KMT2A: variants seen among roughly 807,000 people sequenced by gnomAD.
KMT2A encodes lysine methyltransferase 2A.
KMT2A carries 16 observed loss-of-function variants against 345.3 expected under a neutral mutation model. The ratio of observed to expected loss-of-function variants is 0.05; its 90% CI spans 0.03 to 0.07. The LOEUF is 0.07. Among genes scored for constraint, KMT2A ranks in the 10% least tolerant of loss-of-function variants. The probability of loss-of-function intolerance (pLI) is 1.00; values close to 1 mark genes in which losing one functional copy is unlikely to be tolerated. For missense variants in KMT2A, 3,272 were observed against 4,841.6 expected, an observed-to-expected ratio of 0.68 and a Z score of 9.62; for synonymous variants, 1,599 against 1,778.6, an observed-to-expected ratio of 0.90 and a Z score of 2.54.
At chr11:118,489,921 AC>A in intron 12 of KMT2A, 34 bp downstream of exon 12, 1 of 1,569,702 alleles carries the variant, frequency 6.4e-7, no homozygotes, top group Non-Finnish European at 8.8e-7. Flanking sequence ...TTTATAGAGA[AC>A]CACCATGTGA....
chr11:118,472,324 A>G lies in KMT2A; in HGVS notation c.1165A>G (p.Lys389Glu). 6.2e-7 allele frequency: 1 copy of G among 1,614,184 alleles called. No homozygotes were observed. Among genetic ancestry groups the G allele is most frequent in the Non-Finnish European group, 8.5e-7 (1 of 1,180,032 alleles). Residue 389 changes from lysine to glutamate, a missense_variant, in exon 3 of 36, where the codon AAA (lysine) becomes GAA (glutamate). Coordinates refer to ENST00000534358, the MANE Select transcript of KMT2A (RefSeq NM_001197104.2). The stretch of plus-strand genomic sequence containing the variant: ...AAAGGGGGCTCAAAAGAAAATTGAA[A>G]AAGAAGCAGCTCAGCTGCAGGGAAG... ...AKKGAQKKIEKEAAQLQGRKV... is the reference protein window; with the variant it reads ...AKKGAQKKIEEEAAQLQGRKV...
chr11:118,479,623 G>T (rs1302798977), intron 5 of KMT2A, among the ~76,000 whole-genome samples: 2 of 152,184 alleles, frequency 1.3e-5, no homozygotes, highest in African/African-American at 4.8e-5. Context: ...TCACAAAAAA[G>T]TACATGATAG....
In KMT2A at chr11:118,491,544, C is replaced by T. The variant is rs184650271; in HGVS notation, c.4820-200C>T. Among the ~76,000 whole-genome samples, 34 of 152,206 alleles carry T rather than the reference C, an allele frequency of 2.2e-4. No individual in the cohort carries two copies. Among genetic ancestry groups the T allele is most frequent in the African/African-American group, 7.9e-4 (33 of 41,528 alleles). On this transcript the variant is annotated intron_variant, in intron 14 of 35. Transcript: ENST00000534358. The surrounding 1 kb of genome is among the most constrained non-coding windows in gnomAD (Gnocchi z 4.2). Reference sequence around the variant, plus strand: ...CCTTTGTGTGTTCCATAACCTGATTCTCAATAACCAAATTCAGGATTAGTG... The same window carrying T: ...CCTTTGTGTGTTCCATAACCTGATTTTCAATAACCAAATTCAGGATTAGTG...
chr11:118,491,322 G>A lies in KMT2A; in HGVS notation c.4819+4G>A, dbSNP rs1481550189. On this transcript the variant is annotated splice_donor_region_variant and intron_variant, in intron 14 of 35. Transcript: ENST00000534358. This position sits in a 1 kb window ranked among gnomAD's most constrained non-coding sequence, Gnocchi z 4.2. ...GAGAATCTTTCAGGTACAGAAGGTT[G>A]GAGTCTTTTTATTTCAGTTTTCTTC... The A allele has an allele frequency of 1.2e-6, 2 of 1,611,280 alleles. No homozygotes were observed. Among genetic ancestry groups the A allele is most frequent in the Non-Finnish European group, 1.7e-6 (2 of 1,179,120 alleles).
chr11:118,437,074 C>T (rs1190781485), intron 1 of KMT2A, 130 bp downstream of exon 1: 6 of 1,133,998 alleles, frequency 5.3e-6, no homozygotes, highest in Non-Finnish European at 7.0e-6. Flanking sequence ...GGGCGAATGG[C>T]TCTCCCATCT....
chr11:118,480,759 C>T lies in KMT2A; in HGVS notation c.3634+521C>T, dbSNP rs1052616509. 4.0e-4 allele frequency among the ~76,000 whole-genome samples: 61 copies of T among 152,218 alleles called. 1 individual carries two copies. The highest frequency in any genetic ancestry group is 1.4e-3 in the African/African-American group (60 of 41,538). ...CTCACTGTAGCTTCAACCTCCCACG[C>T]TCAAGCCATCCTCCCACCTCAGCCT... On this transcript the variant is annotated intron_variant, in intron 6 of 35. Transcript: ENST00000534358.
chr11:118,495,066 T>C lies in KMT2A; in HGVS notation c.5363+299T>C, dbSNP rs1555043579. ...TTATAAATGGGTTCTGTTTGACTGA[T>C]AGTTCAAATGGTGCTTTGTACTGCT... On this transcript the variant is annotated intron_variant, in intron 18 of 35. Coordinates refer to ENST00000534358, the MANE Select transcript of KMT2A (RefSeq NM_001197104.2). The surrounding 1 kb of genome is among the most constrained non-coding windows in gnomAD (Gnocchi z 4.1). Among the ~76,000 whole-genome samples, 9 of 152,230 alleles carry C rather than the reference T, an allele frequency of 5.9e-5. No homozygotes were observed. Among genetic ancestry groups the C allele is most frequent in the Non-Finnish European group, 1.5e-5 (1 of 68,040 alleles).
chr11:118,506,589 GTTC>G lies in KMT2A; in HGVS notation c.10702_10704del (p.Ser3568del). 6.2e-7 allele frequency: 1 copy of G among 1,613,968 alleles called. No individual in the cohort carries two copies. On this transcript the variant is annotated inframe_deletion, in exon 27 of 36. Coordinates refer to ENST00000534358, the MANE Select transcript of KMT2A (RefSeq NM_001197104.2). ...CACAAAGTTTCCCATTTGCGGACCA[GTTC>G]TTCTGAAGCACACATTCCAGACCAA...
At chr11:118,500,441 T>C (rs1950482229) in intron 24 of KMT2A, among the ~76,000 whole-genome samples, 1 of 152,260 alleles carries the variant, frequency 6.6e-6, no homozygotes, top group African/African-American at 2.4e-5. Flanking sequence ...TTTTGCAATA[T>C]ATGCTCCAAC....
intron 1 of KMT2A, among the ~76,000 whole-genome samples, chr11:118,462,158 T>C (rs1490577887): frequency 3.9e-5 from 6 of 152,132 alleles, no homozygotes; most frequent in African/African-American, 1.4e-4. Context: ...TTCACCATGC[T>C]GGCCAGGCTG....
chr11:118,466,076 A>AT (rs1565274402), intron 1 of KMT2A, among the ~76,000 whole-genome samples: 2 of 152,132 alleles, frequency 1.3e-5, no homozygotes, highest in East Asian at 1.9e-4. Context: ...TTACTTTTAG[A>AT]TTTTTTTTAG....
chr11:118,498,552 A>T lies in KMT2A; in HGVS notation c.5961+24A>T, dbSNP rs1555044777. ...AAGTGAGAGAGCTTTAGTTGCTTTAAAAAAAAAAAAAAAGACTTTTTTAGA... is the reference window on the plus strand; with the variant it reads ...AAGTGAGAGAGCTTTAGTTGCTTTATAAAAAAAAAAAAAGACTTTTTTAGA... On this transcript the variant is annotated intron_variant, in intron 22 of 35. Transcript: ENST00000534358. This position sits in a 1 kb window ranked among gnomAD's most constrained non-coding sequence, Gnocchi z 4.4. 8 of 961,530 alleles carry T rather than the reference A, an allele frequency of 8.3e-6. No homozygotes were observed. The highest frequency in any genetic ancestry group is 2.3e-5 in the South Asian group (1 of 43,610). 59.6% of individuals were successfully genotyped at this position (961,530 alleles called of 1,614,324 possible).
At position 118,453,095 on chromosome 11, in the gene KMT2A, C is replaced by A. The variant is rs142756056; in HGVS notation, c.433-15680C>A. On this transcript the variant is annotated intron_variant, in intron 1 of 35. Transcript: ENST00000534358. ...TCCCATCACCATATAAAACTATCTG[C>A]CTTAATATAATCCTTTAAAAAAACG... Among the ~76,000 whole-genome samples, 879 of 152,232 alleles carry A rather than the reference C, an allele frequency of 5.8e-3. 9 individuals are homozygous for A. The highest frequency in any genetic ancestry group is 0.019 in the African/African-American group (800 of 41,530).
At chr11:118,506,680 G>A (rs1555048615) in intron 27 of KMT2A, 34 bp downstream of exon 27, 2 of 1,537,956 alleles carry the variant, frequency 1.3e-6, no homozygotes, top group East Asian at 4.5e-5. Context: ...GGCTGGGTCT[G>A]TGGGATTTCA....
intron 31 of KMT2A, among the ~76,000 whole-genome samples, chr11:118,516,204 A>G (rs147558153): frequency 4.6e-5 from 7 of 152,328 alleles, no homozygotes; most frequent in Non-Finnish European, 8.8e-5. Context: ...TACCATGAAG[A>G]AGATAACATG....
chr11:118,450,069 A>C (rs1555028361), intron 1 of KMT2A: 1 of 152,250 alleles, frequency 6.6e-6, no homozygotes, highest in African/African-American at 2.4e-5. Context: ...ATTAGAGAAA[A>C]ATAAACCCTG....
In KMT2A at chr11:118,495,685, A is replaced by T; in HGVS notation, c.5364-15A>T. On this transcript the variant is annotated splice_polypyrimidine_tract_variant and intron_variant, in intron 18 of 35. Coordinates refer to ENST00000534358, the MANE Select transcript of KMT2A (RefSeq NM_001197104.2). The surrounding 1 kb of genome is among the most constrained non-coding windows in gnomAD (Gnocchi z 4.1). Reference sequence around the variant, plus strand: ...TAGGAGTTCAATAAATGCTTGTTGAATCAATTATTTTCAGCAGTGGGATGT... The same window carrying T: ...TAGGAGTTCAATAAATGCTTGTTGATTCAATTATTTTCAGCAGTGGGATGT... 6.3e-7 allele frequency: 1 copy of T among 1,592,426 alleles called. No homozygotes were observed. Among genetic ancestry groups the T allele is most frequent in the Non-Finnish European group, 8.6e-7 (1 of 1,167,408 alleles).
chr11:118,469,628 G>A (rs1399062999), intron 2 of KMT2A, among the ~76,000 whole-genome samples: 3 of 152,158 alleles, frequency 2.0e-5, no homozygotes, highest in Non-Finnish European at 4.4e-5. Flanking sequence ...AGAAAGCTAT[G>A]TATCTTTTGA....
chr11:118,478,088 G>T lies in KMT2A; in HGVS notation c.3456G>T (p.Ser1152=), dbSNP rs782465215. The T allele has an allele frequency of 2.5e-6, 4 of 1,614,012 alleles. No individual in the cohort carries two copies. The highest frequency in any genetic ancestry group is 3.4e-6 in the Non-Finnish European group (4 of 1,180,034). ...QEPPVKKGRR[S]RRCGQCPGCQ... is the part of the protein sequence containing the mutation. ...CTCCAGTAAAGAAAGGACGTCGATC[G>T]AGGCGGTGTGGGCAGTGTCCCGGCT... Residue 1152 remains serine (S), a synonymous_variant, in exon 5 of 36, where the codon TCG becomes TCT. Coordinates refer to ENST00000534358, the MANE Select transcript of KMT2A (RefSeq NM_001197104.2).
Sources: allele counts gnomAD v4.1 joint callset (sites outside exome capture counted in the v4.1 genomes callset), GRCh38; gene constraint gnomAD v4.1.1; non-coding constraint Gnocchi (gnomAD v3.1); transcripts MANE v1.5; gene names NCBI Gene and HGNC (gene_info 2026-07-23, HGNC 2026-07-21).